HMCN1: variants seen among roughly 807,000 people sequenced by gnomAD.
The protein encoded by HMCN1 is hemicentin 1.
HMCN1 carries 321 observed loss-of-function variants against 625.9 expected under a neutral mutation model. The observed-to-expected ratio is 0.51, with a 90% CI of 0.47 to 0.56. The LOEUF is 0.56. HMCN1 is among the 20% of genes least tolerant of loss of function. The pLI is 0.00. For missense variants in HMCN1, 6,588 were observed against 6,887.3 expected (o/e 0.96, Z 1.54); for synonymous variants, 2,425 against 2,417.6 (o/e 1.00, Z -0.09).
intron 1 of HMCN1, among the ~76,000 whole-genome samples, chr1:185,815,810 C>T (rs144618478): frequency 6.7e-6 from 1 of 150,186 alleles, no homozygotes; most frequent in African/African-American, 2.5e-5. Flanking sequence ...CATTAGGCTG[C>T]TAGAATTCCT....
chr1:185,788,882 C>A (rs1362460709), intron 1 of HMCN1, among the ~76,000 whole-genome samples: 2 of 152,012 alleles, frequency 1.3e-5, no homozygotes, highest in Non-Finnish European at 2.9e-5. Context: ...GGAATTTGAT[C>A]ATTATTTGCC....
intron 36 of HMCN1, among the ~76,000 whole-genome samples, chr1:186,026,567 T>C (rs955563069): frequency 6.6e-6 from 1 of 152,132 alleles, no homozygotes; most frequent in African/African-American, 2.4e-5. Context: ...GCAATCCTCA[T>C]TTAATTAGGT....
intron 1 of HMCN1, among the ~76,000 whole-genome samples, chr1:185,769,492 A>C (rs1656086111): frequency 6.6e-6 from 1 of 152,118 alleles, no homozygotes. Flanking sequence ...GGATAAAAAG[A>C]AAGCCTAATT....
chr1:185,847,199 A>G (rs1661874522), intron 2 of HMCN1, among the ~76,000 whole-genome samples: 2 of 152,208 alleles, frequency 1.3e-5, no homozygotes, highest in South Asian at 2.1e-4. Flanking sequence ...CAAAAGGCAT[A>G]ACCTCATTCC....
chr1:185,735,104 A>C, intron 1 of HMCN1, 57 bp downstream of exon 1: 27 of 1,533,084 alleles, frequency 1.8e-5, no homozygotes, highest in Non-Finnish European at 2.3e-5. Context: ...ATTATTTCTC[A>C]TGCTGTGAAT....
intron 1 of HMCN1, among the ~76,000 whole-genome samples, chr1:185,791,551 CT>C (rs1414168376): frequency 1.3e-5 from 2 of 151,762 alleles, no homozygotes; most frequent in East Asian, 1.9e-4. Flanking sequence ...GAAATCCTGT[CT>C]CTACTAAAAA....
chr1:185,802,438 G>A (rs1658863855), intron 1 of HMCN1, among the ~76,000 whole-genome samples: 1 of 152,148 alleles, frequency 6.6e-6, no homozygotes, highest in Non-Finnish European at 1.5e-5. Context: ...CATTGGCATG[G>A]ATGAAATCAC....
chr1:185,910,908 G>C (rs1353183433), intron 5 of HMCN1, among the ~76,000 whole-genome samples: 2 of 152,120 alleles, frequency 1.3e-5, no homozygotes, highest in Admixed American at 1.3e-4. Context: ...TAGTCCATGG[G>C]AAAGTCAAGA....
At chr1:185,780,157 T>C (rs1384735636) in intron 1 of HMCN1, among the ~76,000 whole-genome samples, 1 of 152,224 alleles carries the variant, frequency 6.6e-6, no homozygotes, top group Non-Finnish European at 1.5e-5. Flanking sequence ...TTGTCTGTTA[T>C]TGGTGTATAA....
chr1:185,900,054 T>G (rs1665712379), intron 4 of HMCN1, among the ~76,000 whole-genome samples: 1 of 151,988 alleles, frequency 6.6e-6, no homozygotes, highest in Admixed American at 6.6e-5. Flanking sequence ...CTCAACATGT[T>G]GAAAATGTCC....
intron 105 of HMCN1, among the ~76,000 whole-genome samples, chr1:186,187,357 T>C (rs1271929855): frequency 2.6e-5 from 4 of 152,122 alleles, no homozygotes; most frequent in Non-Finnish European, 5.9e-5. Flanking sequence ...AAGATCTGAC[T>C]AGCCTGTACC....
At chr1:186,018,108 A>G in intron 33 of HMCN1, 75 bp from the exon 34 acceptor site, 2 of 1,278,952 alleles carry the variant, frequency 1.6e-6, no homozygotes, top group Non-Finnish European at 2.3e-6. Flanking sequence ...AATATACAAT[A>G]GAAACTTTAT....
At chr1:186,117,332 G>C in intron 76 of HMCN1, 127 bp from the exon 77 acceptor site, 8 of 1,202,644 alleles carry the variant, frequency 6.7e-6, no homozygotes, top group Non-Finnish European at 7.1e-6. Context: ...ATAAAAGGAG[G>C]AATCCCTTTT....
At chr1:185,945,324 T>C (rs933194177) in intron 11 of HMCN1, among the ~76,000 whole-genome samples, 4 of 152,208 alleles carry the variant, frequency 2.6e-5, no homozygotes, top group South Asian at 2.1e-4. Context: ...ACAAAACAAA[T>C]AGTTAAACAC....
chr1:185,857,612 A>G (rs1171486753), intron 2 of HMCN1, among the ~76,000 whole-genome samples: 1 of 151,848 alleles, frequency 6.6e-6, no homozygotes. Context: ...ACATAGGGGG[A>G]GTTAGCTTTA....
intron 1 of HMCN1, among the ~76,000 whole-genome samples, chr1:185,758,844 A>G (rs752762216): frequency 6.6e-6 from 1 of 152,050 alleles, no homozygotes; most frequent in Non-Finnish European, 1.5e-5. Flanking sequence ...ATTAGTTCCC[A>G]TAACAAATCT....
At chr1:185,857,001 G>A (rs893225020) in intron 2 of HMCN1, among the ~76,000 whole-genome samples, 1 of 151,944 alleles carries the variant, frequency 6.6e-6, no homozygotes, top group Non-Finnish European at 1.5e-5. Context: ...TTCCAGTGCC[G>A]TTCCTACACT....
chr1:186,050,499 T>C (rs1656879538), intron 42 of HMCN1, among the ~76,000 whole-genome samples: 1 of 149,906 alleles, frequency 6.7e-6, no homozygotes, highest in South Asian at 2.1e-4. Context: ...GAAAACCCAG[T>C]AAAAAAAAAT....
At position 186,086,611 on chromosome 1, in the gene HMCN1, G is replaced by T. The variant is rs150897546; in HGVS notation, c.9046+204G>T. Among the ~76,000 whole-genome samples, 567 of 152,124 alleles carry T rather than the reference G, an allele frequency of 3.7e-3. 4 individuals are homozygous for T. The highest frequency in any genetic ancestry group is 0.013 in the African/African-American group (539 of 41,542). On this transcript the variant is annotated intron_variant, in intron 58 of 106. Transcript: ENST00000271588. ...TTAGTGGGAATGTACAAATAACAAG[G>T]TCTCCTTCAAGAAATGATAAAATTT...
Sources: allele counts gnomAD v4.1 joint callset (sites outside exome capture counted in the v4.1 genomes callset), GRCh38; gene constraint gnomAD v4.1.1; transcripts MANE v1.5; gene names NCBI Gene and HGNC (gene_info 2026-07-23, HGNC 2026-07-21).